PKP3: variants seen among roughly 807,000 people sequenced by gnomAD.
PKP3 encodes the protein plakophilin 3.
PKP3 carries 66 observed loss-of-function variants against 76.5 expected under a neutral mutation model. That is an observed-to-expected ratio of 0.86 (90% CI 0.71 to 1.06). The LOEUF is 1.06. Among genes scored for constraint, PKP3 ranks in the 50% least tolerant of loss-of-function variants. The pLI is 0.00. For missense variants in PKP3, 1,338 were observed against 1,141.0 expected (o/e 1.17, Z -2.49); for synonymous variants, 638 against 516.5 (o/e 1.24, Z -3.19).
In PKP3 at chr11:397,304, C is replaced by G; in HGVS notation, c.803C>G (p.Pro268Arg). The G allele has an allele frequency of 6.3e-7, 1 of 1,590,474 alleles. No individual in the cohort carries two copies. Among genetic ancestry groups the G allele is most frequent in the Non-Finnish European group, 8.5e-7 (1 of 1,171,124 alleles). Reference protein sequence around the residue: ...HRSRGVGGAVPGAVLEPVARA... With the variant: ...HRSRGVGGAVRGAVLEPVARA... Reference sequence around the variant, plus strand: ...AGCCGCGGGGTAGGCGGGGCAGTGCCGGGGGCCGTCCTGGAGCCAGTGGCT... The same window carrying G: ...AGCCGCGGGGTAGGCGGGGCAGTGCGGGGGGCCGTCCTGGAGCCAGTGGCT... Residue 268 changes from proline (P) to arginine (R), a missense_variant, in exon 3 of 13, where the codon CCG becomes CGG. By Grantham distance (103) the Pro-to-Arg change is moderately radical. Coordinates refer to ENST00000331563, the MANE Select transcript of PKP3 (RefSeq NM_007183.4).
chr11:393,913 A>G (rs548384982), upstream of PKP3, among the ~76,000 whole-genome samples: 4 of 152,282 alleles, frequency 2.6e-5, no homozygotes, highest in South Asian at 8.3e-4. Flanking sequence ...CTCAGGACAC[A>G]GAGGGCCCCT....
In PKP3 at chr11:400,537, C is replaced by T; in HGVS notation, c.1569C>T (p.Ser523=). The stretch of plus-strand genomic sequence containing the variant: ...CTGCCCCGCGCCCCCGCCCGCAGAG[C>T]GTGGAGAACGCGGTGTGCGTCCTGC... ...ALDAGKCEDK[S]VENAVCVLRN... is the part of the protein sequence containing the mutation. The change falls in exon 8 of 13, where the codon AGC becomes AGT. Residue 523 remains serine, a splice_region_variant and synonymous_variant. Transcript: ENST00000331563. 1 of 1,493,094 alleles carries T rather than the reference C, an allele frequency of 6.7e-7. No individual in the cohort carries two copies. Among genetic ancestry groups the T allele is most frequent in the Non-Finnish European group, 8.9e-7 (1 of 1,128,414 alleles). 92.5% of individuals were successfully genotyped at this position (1,493,094 alleles called of 1,614,324 possible). A position where few individuals can be genotyped will look rare whatever the true frequency, so the allele number is the denominator to read the frequency against.
At chr11:392,808 C>T (rs1469436572), upstream of PKP3, 2 of 532,016 alleles carry the variant, frequency 3.8e-6, no homozygotes, top group African/African-American at 2.0e-5. Flanking sequence ...CCCCTTTAAC[C>T]CCCCACGCTG....
upstream of PKP3, among the ~76,000 whole-genome samples, chr11:393,086 G>GCCC (rs1846996455): frequency 7.2e-6 from 1 of 137,978 alleles, no homozygotes. Context: ...CCCACCCCCA[G>GCCC]CCCTCCTAGG....
At position 397,220 on chromosome 11, in the gene PKP3, G is replaced by GCCGGACCATCC; in HGVS notation, c.720_730dup (p.Arg244ProfsTer24). 6.3e-7 allele frequency: 1 copy of GCCGGACCATCC among 1,599,164 alleles called. No individual in the cohort carries two copies. The highest frequency in any genetic ancestry group is 2.2e-5 in the East Asian group (1 of 44,816). On this transcript the variant is annotated frameshift_variant, in exon 3 of 13. Coordinates refer to ENST00000331563, the MANE Select transcript of PKP3 (RefSeq NM_007183.4). LOFTEE classifies it high-confidence loss of function. ...CCCGAGGCCACTGAGGTTTCCCCGA[G>GCCGGACCATCC]CCGGACCATCCGTGCCCCTGCCGTG...
chr11:394,497 C>A lies in PKP3; in HGVS notation c.205C>A (p.Pro69Thr). 1 of 1,399,348 alleles carries A rather than the reference C, an allele frequency of 7.1e-7. No homozygotes were observed. Among genetic ancestry groups the A allele is most frequent in the South Asian group, 1.5e-5 (1 of 64,994 alleles). 86.7% of individuals were successfully genotyped at this position (1,399,348 alleles called of 1,614,324 possible). A position where few individuals can be genotyped will look rare whatever the true frequency, so the allele number is the denominator to read the frequency against. ...QQPRHNGAAEPEPEAETARGT... is the reference protein window; with the variant it reads ...QQPRHNGAAETEPEAETARGT... ...GCCGCGGCACAACGGGGCCGCTGAG[C>A]CCGAGCCTGAGGCCGAGACTGCCAG... The change falls in exon 1 of 13, where the codon CCC becomes ACC. Residue 69 changes from proline (P) to threonine (T), a missense_variant. Coordinates refer to ENST00000331563, the MANE Select transcript of PKP3 (RefSeq NM_007183.4).
rs1288133387 is a variant in PKP3 at position 397,590 on chromosome 11, C to T, written c.996C>T (p.Asp332=). The T allele has an allele frequency of 2.5e-6, 4 of 1,612,030 alleles. No homozygotes were observed. The Admixed American group carries it at 5.0e-5, about 20-fold the overall frequency. ...CAGTCAAGTACCTCATGGCTTCAGACCCCAACCTGCAGGTGCTGGGAGCGG... is the reference window on the plus strand; with the variant it reads ...CAGTCAAGTACCTCATGGCTTCAGATCCCAACCTGCAGGTGCTGGGAGCGG... ...PSAVKYLMAS[D]PNLQVLGAAY... The change falls in exon 4 of 13, where the codon GAC becomes GAT. Residue 332 remains aspartate (D), a synonymous_variant. Transcript: ENST00000331563.
chr11:398,897 A>G (rs1339974277), intron 4 of PKP3, 95 bp from the exon 5 acceptor site: 2 of 975,292 alleles, frequency 2.1e-6, no homozygotes, highest in African/African-American at 3.3e-5. Flanking sequence ...TCCCCTGCAT[A>G]TCTACATCTA....
At chr11:392,612 ACG>A, upstream of PKP3, 1 of 1,275,118 alleles carries the variant, frequency 7.8e-7, no homozygotes, top group South Asian at 1.2e-5. Context: ...GCTGCCCCGC[ACG>A]CGCCGGGCCA....
chr11:397,196 C>A lies in PKP3; in HGVS notation c.695C>A (p.Pro232His). 2.5e-6 allele frequency: 4 copies of A among 1,598,384 alleles called. No individual in the cohort carries two copies. Among genetic ancestry groups the A allele is most frequent in the Non-Finnish European group, 3.4e-6 (4 of 1,179,172 alleles). Residue 232 changes from proline (P) to histidine (H), a missense_variant, in exon 3 of 13, where the codon CCC becomes CAC. Physicochemically the swap from Pro to His is moderately conservative, Grantham distance 77. Coordinates refer to ENST00000331563, the MANE Select transcript of PKP3 (RefSeq NM_007183.4). The part of the protein sequence containing the change: ...SSSRAGGLDW[P>H]EATEVSPSRT... ...AGCCGGGCAGGGGGGCTGGACTGGC[C>A]CGAGGCCACTGAGGTTTCCCCGAGC...
intron 7 of PKP3, 41 bp from the exon 8 acceptor site, chr11:400,493 GC>G (rs769035977): frequency 1.3e-6 from 2 of 1,510,518 alleles, no homozygotes; most frequent in African/African-American, 2.8e-5. Context: ...CCCCCGGGCC[GC>G]CGCTCTGACC....
chr11:397,512 C>A, intron 3 of PKP3, 27 bp from the exon 4 acceptor site: 1 of 1,611,770 alleles, frequency 6.2e-7, no homozygotes, highest in Non-Finnish European at 8.5e-7. Flanking sequence ...CCAAAGTTAG[C>A]CTGACCCCTG....
rs955400074 is a variant in PKP3 at position 403,403 on chromosome 11, G to A, written c.1923+140G>A. ...CGGAGGTCAGCGTCCCGGTGGCGCAGGCCTTGGGCCTTGGGAGGATGGAAG... is the reference window on the plus strand; with the variant it reads ...CGGAGGTCAGCGTCCCGGTGGCGCAAGCCTTGGGCCTTGGGAGGATGGAAG... On this transcript the variant is annotated intron_variant, in intron 9 of 12. Coordinates refer to ENST00000331563, the MANE Select transcript of PKP3 (RefSeq NM_007183.4). 6 of 836,592 alleles carry A rather than the reference G, an allele frequency of 7.2e-6. No individual in the cohort carries two copies. In the African/African-American group the frequency reaches 1.0e-4, roughly 14 times the overall value. 51.8% of individuals were successfully genotyped at this position (836,592 alleles called of 1,614,324 possible). A position where few individuals can be genotyped will look rare whatever the true frequency, so the allele number is the denominator to read the frequency against.
chr11:400,111 A>G lies in PKP3; in HGVS notation c.1418A>G (p.Glu473Gly). 6.4e-7 allele frequency: 1 copy of G among 1,574,216 alleles called. No individual in the cohort carries two copies. The highest frequency in any genetic ancestry group is 8.6e-7 in the Non-Finnish European group (1 of 1,164,772). ...ATCCAGCAGAACGCCTCGGAGGCAG[A>G]GATCTTCTACAACGCCACCGGCTTC... ...PLIQQNASEA[E>G]IFYNATGFLR... Residue 473 changes from glutamate to glycine, a missense_variant, in exon 6 of 13, where the codon GAG becomes GGG. Glu to Gly is a moderately conservative substitution (Grantham distance 98). Coordinates refer to ENST00000331563, the MANE Select transcript of PKP3 (RefSeq NM_007183.4).
rs1847219991 is a variant in PKP3 at position 404,426 on chromosome 11, C to G, written c.2358+103C>G. On this transcript the variant is annotated intron_variant, in intron 12 of 12. Coordinates refer to ENST00000331563, the MANE Select transcript of PKP3 (RefSeq NM_007183.4). The surrounding 1 kb of genome is among the most constrained non-coding windows in gnomAD (Gnocchi z 4.2). ...CCATGGGAGGATGGAGACCAGGGAC[C>G]CAGAGAGGAAGGGTCCGGGCCACAC... 1 of 1,481,960 alleles carries G rather than the reference C, an allele frequency of 6.7e-7. No individual in the cohort carries two copies. Among genetic ancestry groups the G allele is most frequent in the Non-Finnish European group, 9.4e-7 (1 of 1,061,406 alleles). The allele number at this position is 1,481,960 out of a possible 1,614,324, so 91.8% of individuals were successfully genotyped here.
rs757329565 is a variant in PKP3, at chr11:399,093, C to T, written c.1170C>T (p.Tyr390=). The T allele has an allele frequency of 1.6e-4, 252 of 1,611,842 alleles. No individual in the cohort carries two copies. Among genetic ancestry groups the T allele is most frequent in the Non-Finnish European group, 1.9e-4 (229 of 1,179,418 alleles). ...HATGAMRNLI[Y]DNADNKLALV... ...CAGGTGCCATGCGCAACCTCATCTACGACAACGCTGACAACAAGCTGGCCC... is the reference window on the plus strand; with the variant it reads ...CAGGTGCCATGCGCAACCTCATCTATGACAACGCTGACAACAAGCTGGCCC... The change falls in exon 5 of 13, where the codon TAC becomes TAT. Residue 390 remains tyrosine (Y), a synonymous_variant. Transcript: ENST00000331563.
intron 4 of PKP3, chr11:397,880 C>T: frequency 1.8e-6 from 1 of 562,632 alleles, no homozygotes. Context: ...CCACATATAC[C>T]TCATCACCTC....
intron 1 of PKP3, among the ~76,000 whole-genome samples, chr11:395,665 C>T (rs1378382038): frequency 6.6e-6 from 1 of 152,208 alleles, no homozygotes; most frequent in Non-Finnish European, 1.5e-5. Flanking sequence ...GCCCCATTAA[C>T]CAGGGTGAAC....
In PKP3 at chr11:400,519, G is replaced by C. The variant is rs1467392768; in HGVS notation, c.1567-16G>C. 111 of 1,491,888 alleles carry C rather than the reference G, an allele frequency of 7.4e-5. No individual in the cohort carries two copies. The highest frequency in any genetic ancestry group is 9.8e-5 in the Non-Finnish European group (110 of 1,126,868). The allele number at this position is 1,491,888 out of a possible 1,614,324, so 92.4% of individuals were successfully genotyped here. ...CCGCTCTGACCCGCGCCCCTGCCCCGCGCCCCCGCCCGCAGAGCGTGGAGA... is the reference window on the plus strand; with the variant it reads ...CCGCTCTGACCCGCGCCCCTGCCCCCCGCCCCCGCCCGCAGAGCGTGGAGA... On this transcript the variant is annotated splice_polypyrimidine_tract_variant and intron_variant, in intron 7 of 12. Transcript: ENST00000331563.
Sources: gnomAD v4.1 joint callset for allele counts (sites outside exome capture counted in the v4.1 genomes callset) on GRCh38, gnomAD v4.1.1 for gene constraint, Gnocchi (gnomAD v3.1) non-coding constraint, MANE v1.5 for transcripts, NCBI Gene and HGNC (gene_info 2026-07-23, HGNC 2026-07-21) for gene names.